Variants in CASK observed in about 807,000 individuals in gnomAD.
CASK encodes the protein calcium/calmodulin dependent serine protein kinase, also known as peripheral plasma membrane protein CASK.
In CASK, 4 loss-of-function variants were observed where a neutral mutation model predicts 82.9. The observed-to-expected ratio is 0.05, with a 90% CI of 0.02 to 0.11. The LOEUF (loss-of-function observed/expected upper bound fraction) is 0.11, where lower values mean the gene tolerates loss of function less well. Among genes scored for constraint, CASK ranks in the 10% least tolerant of loss-of-function variants. The pLI is 1.00. For missense variants in CASK, 358 were observed against 720.9 expected (o/e 0.50, Z 5.76); for synonymous variants, 259 against 253.5 (o/e 1.02, Z -0.20).
At chrX:41,572,235 C>T (rs1007497999) in intron 15 of CASK, among the ~76,000 whole-genome samples, 5 of 110,317 alleles carry the variant, frequency 4.5e-5, no homozygotes, top group African/African-American at 1.6e-4. Flanking sequence ...CAGGCATGCA[C>T]CACCAAACCT....
At chrX:41,871,161 T>C (rs1018217322) in intron 1 of CASK, among the ~76,000 whole-genome samples, 7 of 112,040 alleles carry the variant, frequency 6.2e-5, no homozygotes, top group Admixed American at 2.8e-4. Flanking sequence ...ACCCTTTCCA[T>C]CTTCAAGCCA....
chrX:41,718,297 G>A (rs1376090659), intron 5 of CASK, among the ~76,000 whole-genome samples: 2 of 113,024 alleles, frequency 1.8e-5, no homozygotes, highest in South Asian at 3.6e-4. Context: ...ATCGGTAAAC[G>A]TATTTCCCTG....
intron 3 of CASK, chrX:41,748,193 C>G (rs1408518344): frequency 2.6e-5 from 3 of 114,324 alleles, no homozygotes; most frequent in Admixed American, 9.3e-5. Flanking sequence ...CTCTTTCTGC[C>G]ATCTCTCCAT....
At chrX:41,645,551 A>T (rs2066743388) in intron 8 of CASK, among the ~76,000 whole-genome samples, 2 of 111,396 alleles carry the variant, frequency 1.8e-5, no homozygotes, top group Non-Finnish European at 3.8e-5. Context: ...GACTGCCTTC[A>T]GATATGATGA....
intron 5 of CASK, among the ~76,000 whole-genome samples, chrX:41,707,694 G>A (rs188743210): frequency 2.8e-3 from 316 of 111,586 alleles, no homozygotes; most frequent in African/African-American, 9.5e-3. Flanking sequence ...ATGAGAGAGC[G>A]AGAGAGAGAA....
chrX:41,580,491 A>C (rs1487446001), intron 14 of CASK, among the ~76,000 whole-genome samples: 2 of 111,891 alleles, frequency 1.8e-5, no homozygotes, highest in Non-Finnish European at 3.8e-5. Context: ...TATATAAGCA[A>C]ACATTTGTAT....
At chrX:41,694,457 C>T (rs2067639702) in intron 5 of CASK, among the ~76,000 whole-genome samples, 1 of 112,001 alleles carries the variant, frequency 8.9e-6, no homozygotes, top group South Asian at 3.7e-4. Context: ...TTACAGCAGT[C>T]AATGGGCCAA....
intron 1 of CASK, among the ~76,000 whole-genome samples, chrX:41,897,919 A>G (rs1363455000): frequency 9.0e-6 from 1 of 111,313 alleles, no homozygotes; most frequent in Non-Finnish European, 1.9e-5. Flanking sequence ...TTTTTCTTGT[A>G]TTTTCTGTAA....
chrX:41,730,637 T>C (rs750734136), intron 5 of CASK, among the ~76,000 whole-genome samples: 1 of 111,394 alleles, frequency 9.0e-6, no homozygotes, highest in Non-Finnish European at 1.9e-5. Flanking sequence ...ATGTAAATCA[T>C]AGAGTAACTC....
chrX:41,861,912 AC>A (rs1430130143), intron 1 of CASK, among the ~76,000 whole-genome samples: 8 of 102,831 alleles, frequency 7.8e-5, no homozygotes, highest in Non-Finnish European at 1.4e-4. Flanking sequence ...TAGTATATAT[AC>A]ATTATATGTA....
In CASK at chrX:41,770,733, A is replaced by G. The variant is rs187192090; in HGVS notation, c.278+16445T>C. ...TTTAAAAAGGAAATAGAAACATAAA[A>G]CTGAAAAATATAATTAACATTTAAA... On this transcript the variant is annotated intron_variant, in intron 3 of 26. Transcript: ENST00000378163. Among the ~76,000 whole-genome samples the G allele has an allele frequency of 8.6e-3, 956 of 111,458 alleles. 14 individuals are homozygous for G. Among genetic ancestry groups the G allele is most frequent in the African/African-American group, 0.03 (920 of 30,652 alleles).
At chrX:41,861,452 C>T (rs2071474657) in intron 1 of CASK, among the ~76,000 whole-genome samples, 1 of 110,832 alleles carries the variant, frequency 9.0e-6, no homozygotes, top group South Asian at 3.7e-4. Flanking sequence ...AGCAAGAAAA[C>T]ATATGAAGAT....
chrX:41,920,514 A>C (rs2072764106), intron 1 of CASK, among the ~76,000 whole-genome samples: 1 of 112,133 alleles, frequency 8.9e-6, no homozygotes, highest in African/African-American at 3.2e-5. Flanking sequence ...GCACTGACCA[A>C]GTCAGATTTT....
intron 1 of CASK, among the ~76,000 whole-genome samples, chrX:41,911,046 G>A (rs1453338074): frequency 1.8e-5 from 2 of 111,561 alleles, no homozygotes; most frequent in Non-Finnish European, 3.8e-5. Context: ...TATATGAAAT[G>A]TAATTAAAGA....
chrX:41,609,074 T>C (rs906046299), intron 12 of CASK, among the ~76,000 whole-genome samples: 8 of 112,374 alleles, frequency 7.1e-5, no homozygotes, highest in Non-Finnish European at 1.5e-4. Flanking sequence ...CATTGTAGCC[T>C]GCTAGGCTCT....
At chrX:41,681,911 A>G (rs1327299800) in intron 5 of CASK, among the ~76,000 whole-genome samples, 1 of 108,225 alleles carries the variant, frequency 9.2e-6, no homozygotes, top group African/African-American at 3.4e-5. Context: ...GCACCACTGC[A>G]CTCCAGCCTG....
At chrX:41,619,031 C>T (rs971990001) in intron 11 of CASK, among the ~76,000 whole-genome samples, 1 of 108,182 alleles carries the variant, frequency 9.2e-6, no homozygotes, top group Non-Finnish European at 1.9e-5. Flanking sequence ...GGGGTTTCAC[C>T]GTGTTAGCCA....
chrX:41,794,825 T>C (rs1245979921), intron 2 of CASK, among the ~76,000 whole-genome samples: 1 of 112,778 alleles, frequency 8.9e-6, no homozygotes, highest in African/African-American at 3.2e-5. Context: ...TTCACATACC[T>C]GTGCTTTATA....
chrX:41,842,814 T>G (rs1193118664), intron 2 of CASK, among the ~76,000 whole-genome samples: 1 of 111,744 alleles, frequency 8.9e-6, no homozygotes, highest in Non-Finnish European at 1.9e-5. Flanking sequence ...ACGAGAGATC[T>G]TACCATTTAC....
Sources: gnomAD v4.1 joint callset for allele counts (sites outside exome capture counted in the v4.1 genomes callset) on GRCh38, gnomAD v4.1.1 for gene constraint, MANE v1.5 for transcripts, NCBI Gene and HGNC (gene_info 2026-07-23, HGNC 2026-07-21) for gene names.